TACC3: variants seen among roughly 807,000 people sequenced by gnomAD.
TACC3 encodes the protein transforming acidic coiled-coil containing protein 3.
TACC3 carries 52 observed loss-of-function variants against 86.0 expected under a neutral mutation model. That is an observed-to-expected ratio of 0.60 (90% CI 0.48 to 0.76). TACC3 has a LOEUF of 0.76. Ranked by LOEUF, TACC3 falls within the 30% of genes least tolerant of loss-of-function variation. TACC3 has a pLI of 0.00. For synonymous variants in TACC3, 512 were observed against 430.0 expected (o/e 1.19, Z -2.36); for missense variants, 1,120 against 1,070.4 (o/e 1.05, Z -0.65).
At chr4:1,740,071 C>G in intron 12 of TACC3, 69 bp downstream of exon 12, 1 of 1,532,326 alleles carries the variant, frequency 6.5e-7, no homozygotes, top group Non-Finnish European at 9.0e-7. Context: ...CTGGCCCTGC[C>G]CTGCACCCTG....
intron 3 of TACC3, 132 bp from the exon 4 acceptor site, chr4:1,727,576 G>T: frequency 7.0e-7 from 1 of 1,427,728 alleles, no homozygotes. Context: ...GTGGAGAACG[G>T]GAAGCCGTGC....
At chr4:1,738,221 G>A (rs1718388263) in intron 10 of TACC3, 1 of 277,824 alleles carries the variant, frequency 3.6e-6, no homozygotes, top group African/African-American at 2.2e-5. Flanking sequence ...GGGGCTGGGT[G>A]TCTGCAGGCA....
rs914972679 is a variant in TACC3 at position 1,735,987 on chromosome 4, G to A, written c.1748+153G>A. 6.6e-6 allele frequency among the ~76,000 whole-genome samples: 1 copy of A among 152,244 alleles called. No homozygotes were observed. Among genetic ancestry groups the A allele is most frequent in the Non-Finnish European group, 1.5e-5 (1 of 68,030 alleles). ...GTGCTAGGGGTGGGCTGGGCAGCAAGGCCAGAGCAGCCCTTGTGTGTCTGG... is the reference window on the plus strand; with the variant it reads ...GTGCTAGGGGTGGGCTGGGCAGCAAAGCCAGAGCAGCCCTTGTGTGTCTGG... On this transcript the variant is annotated intron_variant, in intron 8 of 15. Coordinates refer to ENST00000313288, the MANE Select transcript of TACC3 (RefSeq NM_006342.3). This position sits in a 1 kb window ranked among gnomAD's most constrained non-coding sequence, Gnocchi z 4.2.
At chr4:1,742,523 C>T (rs1339978702) in intron 13 of TACC3, among the ~76,000 whole-genome samples, 1 of 152,198 alleles carries the variant, frequency 6.6e-6, no homozygotes, top group Non-Finnish European at 1.5e-5. Context: ...AGTATTGCTT[C>T]AATAGAGACC....
At chr4:1,744,872 C>T (rs751442402) in intron 15 of TACC3, 40 bp downstream of exon 15, 4 of 1,612,560 alleles carry the variant, frequency 2.5e-6, no homozygotes, top group Non-Finnish European at 3.4e-6. Context: ...CGTCTGGCAG[C>T]ACCTTCTAGA....
At chr4:1,739,858 C>T (rs1718488746) in intron 11 of TACC3, 80 bp downstream of exon 11, 1 of 1,486,342 alleles carries the variant, frequency 6.7e-7, no homozygotes, top group East Asian at 2.7e-5. Flanking sequence ...CCATCCTTGT[C>T]CCCATCCCCC....
chr4:1,721,380 G>GC (rs1049189623), upstream of TACC3: 2 of 150,626 alleles, frequency 1.3e-5, no homozygotes, highest in Non-Finnish European at 3.0e-5. Flanking sequence ...GCGGGGGGTG[G>GC]GGGGGGAGGG....
At chr4:1,721,296 C>G (rs1000616773), upstream of TACC3, 6 of 148,690 alleles carry the variant, frequency 4.0e-5, no homozygotes, top group African/African-American at 1.5e-4. Flanking sequence ...CATGGGGCGA[C>G]TGCGAGCCCG....
In TACC3 at chr4:1,728,463, C is replaced by T; in HGVS notation, c.1061C>T (p.Pro354Leu). ...GCCACCAGCAAAAGGGCACCCCCAC[C>T]AAGGAGACTGGGAGAGAGGTCCGGC... ...DGATSKRAPP[P>L]RRLGERSGLK... Residue 354 changes from proline (P) to leucine (L), a missense_variant, in exon 4 of 16, where the codon CCA (proline) becomes CTA (leucine). Transcript: ENST00000313288. 2 of 1,613,870 alleles carry T rather than the reference C, an allele frequency of 1.2e-6. No homozygotes were observed. The highest frequency in any genetic ancestry group is 8.5e-7 in the Non-Finnish European group (1 of 1,180,002).
intron 4 of TACC3, among the ~76,000 whole-genome samples, chr4:1,729,893 G>A (rs957936974): frequency 6.6e-6 from 1 of 152,122 alleles, no homozygotes; most frequent in African/African-American, 2.4e-5. Flanking sequence ...GCCTTCCCAA[G>A]TGCTGGTGTT....
intron 13 of TACC3, 103 bp from the exon 14 acceptor site, chr4:1,744,415 A>AT: frequency 9.3e-7 from 1 of 1,077,110 alleles, no homozygotes; most frequent in Non-Finnish European, 1.4e-6. Flanking sequence ...CTCACGGCTG[A>AT]TGCCCCAGAC....
intron 4 of TACC3, among the ~76,000 whole-genome samples, chr4:1,729,632 T>A (rs1560303061): frequency 6.6e-6 from 1 of 152,212 alleles, no homozygotes; most frequent in Non-Finnish European, 1.5e-5. Flanking sequence ...CTGCTACTGC[T>A]ATCTAGAAGA....
chr4:1,720,869 C>T, upstream of TACC3: 2 of 1,546,192 alleles, frequency 1.3e-6, no homozygotes, highest in Non-Finnish European at 8.7e-7. The surrounding 1 kb of genome is among the most constrained non-coding windows in gnomAD (Gnocchi z 4.4). Flanking sequence ...TCGAGCTAGG[C>T]CCCCGCCCCG....
In TACC3 at chr4:1,727,724, G is replaced by C. The variant is rs1239112313; in HGVS notation, c.322G>C (p.Glu108Gln). Residue 108 changes from glutamate to glutamine, a missense_variant, in exon 4 of 16, where the codon GAA becomes CAA. By Grantham distance (29) the Glu-to-Gln change is conservative. Coordinates refer to ENST00000313288, the MANE Select transcript of TACC3 (RefSeq NM_006342.3). Reference protein sequence around the residue: ...TQKENQQLIKEVDAKTTHGIL... With the variant: ...TQKENQQLIKQVDAKTTHGIL... ...TTTTAAAAGCCAACAGCTCATCAAGGAAGTGGATGCCAAAACTACTCATGG... is the reference window on the plus strand; with the variant it reads ...TTTTAAAAGCCAACAGCTCATCAAGCAAGTGGATGCCAAAACTACTCATGG... 1.9e-6 allele frequency: 3 copies of C among 1,589,440 alleles called. No homozygotes were observed. In the South Asian group the frequency reaches 3.4e-5, roughly 18 times the overall value.
At position 1,728,232 on chromosome 4, in the gene TACC3, C is replaced by T. The variant is rs139066088; in HGVS notation, c.830C>T (p.Ala277Val). ...GLPGEALGCP[A>V]GVGTPVPADG... ...CCTGGCGAAGCCCTGGGCTGCCCTG[C>T]GGGTGTGGGCACCCCCGTGCCAGCA... is the stretch of plus-strand genomic sequence containing the variant. Residue 277 changes from alanine to valine, a missense_variant, in exon 4 of 16, where the codon GCG becomes GTG. Transcript: ENST00000313288. 643 of 1,612,120 alleles carry T rather than the reference C, an allele frequency of 4.0e-4. 2 individuals are homozygous for T. In the East Asian group the frequency reaches 4.8e-3, roughly 12 times the overall value.
intron 1 of TACC3, 173 bp downstream of exon 1, chr4:1,721,816 T>A (rs1026296817): frequency 3.3e-5 from 5 of 152,144 alleles, no homozygotes; most frequent in African/African-American, 1.2e-4. Flanking sequence ...CGCCCTGTCA[T>A]GGGACCCGGC....
chr4:1,738,715 C>T (rs577597771), intron 10 of TACC3, among the ~76,000 whole-genome samples: 1 of 152,246 alleles, frequency 6.6e-6, no homozygotes, highest in East Asian at 1.9e-4. Context: ...GGTAGCCCTA[C>T]TGCTGTGTTG....
At chr4:1,736,445 A>AAC (rs60975408) in intron 8 of TACC3, among the ~76,000 whole-genome samples, 3 of 142,268 alleles carry the variant, frequency 2.1e-5, no homozygotes, top group South Asian at 2.4e-4. Context: ...AAAAAAAAAA[A>AAC]CCAAAAAATA....
intron 1 of TACC3, chr4:1,722,004 T>C (rs1326590189): frequency 1.3e-5 from 2 of 152,252 alleles, no homozygotes; most frequent in Admixed American, 1.3e-4. Context: ...CTCCTGTTGT[T>C]CTTTGGTCCC....
Sources: gnomAD v4.1 joint callset for allele counts (sites outside exome capture counted in the v4.1 genomes callset) on GRCh38, gnomAD v4.1.1 for gene constraint, Gnocchi (gnomAD v3.1) non-coding constraint, MANE v1.5 for transcripts, NCBI Gene and HGNC (gene_info 2026-07-23, HGNC 2026-07-21) for gene names.